Variants in CDC42BPA observed in about 807,000 individuals in gnomAD.
CDC42BPA encodes serine/threonine-protein kinase MRCK alpha.
In CDC42BPA, 80 loss-of-function variants were observed where a neutral mutation model predicts 223.5. The ratio of observed to expected loss-of-function variants is 0.36; its 90% CI spans 0.30 to 0.43. The LOEUF is 0.43. CDC42BPA is among the 20% of genes least tolerant of loss of function. The probability of loss-of-function intolerance (pLI) is 1.00; values close to 1 mark genes in which losing one functional copy is unlikely to be tolerated. For synonymous variants in CDC42BPA, 694 were observed against 718.6 expected, an observed-to-expected ratio of 0.97 and a Z score of 0.55; for missense variants, 1,743 against 2,099.9, an observed-to-expected ratio of 0.83 and a Z score of 3.32.
intron 16 of CDC42BPA, among the ~76,000 whole-genome samples, chr1:227,086,485 T>TA (rs1325162527): frequency 6.6e-6 from 1 of 152,162 alleles, no homozygotes; most frequent in Non-Finnish European, 1.5e-5. Context: ...CAATAGTTGA[T>TA]ACGGTCACGC....
chr1:227,120,028 G>C (rs1159408502), intron 11 of CDC42BPA, 91 bp from the exon 12 acceptor site: 1 of 985,280 alleles, frequency 1.0e-6, no homozygotes, highest in African/African-American at 1.7e-5. Flanking sequence ...TTTTAAAATT[G>C]GTATTTTCAA....
Position 227,004,975 on chromosome 1 carries a change from C to A in CDC42BPA, c.4975+19G>T. 1 of 1,566,202 alleles carries A rather than the reference C, an allele frequency of 6.4e-7. No homozygotes were observed. The highest frequency in any genetic ancestry group is 2.2e-5 in the East Asian group (1 of 44,650). ...GTCACCCTGTCTCAGAGGCACCTTC[C>A]TGTAGCCCCGGCACTTACTTGCTGA... On this transcript the variant is annotated intron_variant, in intron 35 of 36. Coordinates refer to ENST00000366766, the MANE Select transcript of CDC42BPA (RefSeq NM_001394014.1).
intron 14 of CDC42BPA, among the ~76,000 whole-genome samples, chr1:227,110,534 C>T (rs1686750381): frequency 6.6e-6 from 1 of 152,146 alleles, no homozygotes; most frequent in African/African-American, 2.4e-5. Context: ...TTACATTGTA[C>T]TCTATCACTT....
chr1:227,176,939 TC>T (rs1346164480), intron 5 of CDC42BPA, among the ~76,000 whole-genome samples: 1 of 151,910 alleles, frequency 6.6e-6, no homozygotes, highest in Non-Finnish European at 1.5e-5. Flanking sequence ...TAGTTTTCTC[TC>T]CCCTCTAATC....
chr1:227,057,973 T>C (rs1035625263), intron 21 of CDC42BPA, among the ~76,000 whole-genome samples: 2 of 152,202 alleles, frequency 1.3e-5, no homozygotes, highest in Non-Finnish European at 2.9e-5. Flanking sequence ...TAGTTAAAAA[T>C]TTAGTCAATT....
chr1:227,009,068 T>A (rs1664673314), intron 34 of CDC42BPA, among the ~76,000 whole-genome samples: 1 of 152,160 alleles, frequency 6.6e-6, no homozygotes, highest in South Asian at 2.1e-4. Context: ...TAAGATACAT[T>A]GATGTTGTCC....
At chr1:227,068,722 T>C in intron 21 of CDC42BPA, 1 of 1,052,544 alleles carries the variant, frequency 9.5e-7, no homozygotes, top group Non-Finnish European at 1.2e-6. Flanking sequence ...AATACAGCAA[T>C]AAAAAAATAG....
chr1:227,271,938 T>A (rs553952534), intron 1 of CDC42BPA, among the ~76,000 whole-genome samples: 1 of 152,224 alleles, frequency 6.6e-6, no homozygotes, highest in Non-Finnish European at 1.5e-5. Context: ...TCCTAGAAGA[T>A]AAATTACAAA....
intron 13 of CDC42BPA, 85 bp downstream of exon 13, chr1:227,112,586 A>T (rs910050987): frequency 1.8e-5 from 20 of 1,101,542 alleles, no homozygotes; most frequent in Admixed American, 5.8e-5. Context: ...GAAATATTTT[A>T]AAAATTATAT....
chr1:227,164,165 C>G (rs1257462570), intron 5 of CDC42BPA, among the ~76,000 whole-genome samples: 1 of 152,066 alleles, frequency 6.6e-6, no homozygotes, highest in Non-Finnish European at 1.5e-5. Flanking sequence ...TGAATGGCCA[C>G]CCTATCCATA....
intron 14 of CDC42BPA, among the ~76,000 whole-genome samples, chr1:227,104,262 G>A (rs1056687540): frequency 3.3e-5 from 5 of 152,164 alleles, no homozygotes; most frequent in South Asian, 2.1e-4. Context: ...CGCTAACTTC[G>A]TTTCTGGGTG....
chr1:227,263,786 T>A (rs1196021141), intron 1 of CDC42BPA, among the ~76,000 whole-genome samples: 3 of 152,068 alleles, frequency 2.0e-5, no homozygotes, highest in Non-Finnish European at 2.9e-5. Context: ...TTCACCATGT[T>A]GGCCAGGCTG....
At chr1:227,126,065 C>T (rs1197906376) in intron 11 of CDC42BPA, among the ~76,000 whole-genome samples, 1 of 151,990 alleles carries the variant, frequency 6.6e-6, no homozygotes, top group African/African-American at 2.4e-5. Flanking sequence ...TCTCTCCCAC[C>T]TAGCAGACTG....
intron 4 of CDC42BPA, among the ~76,000 whole-genome samples, chr1:227,199,120 T>A (rs1289532538): frequency 6.6e-6 from 1 of 152,160 alleles, no homozygotes; most frequent in African/African-American, 2.4e-5. Flanking sequence ...TAAAAATAAT[T>A]TAAAAATGTA....
chr1:227,073,994 G>A lies in CDC42BPA; in HGVS notation c.2605C>T (p.Arg869Cys). The part of the protein sequence containing the change: ...TRATDMPWKM[R>C]RFAKLDMSAR... ...GACATATCCAGTTTCGCAAAACGAC[G>A]CATTTTCCAGGGCATATCCTATGAA... Residue 869 changes from arginine to cysteine, a missense_variant, in exon 19 of 37, where the codon CGT becomes TGT. Physicochemically the swap from Arg to Cys is radical, Grantham distance 180 (BLOSUM62 -3). This residue lies in a region of CDC42BPA where 36 missense variants were observed against 71.9 expected (regional missense o/e 0.50). Coordinates refer to ENST00000366766, the MANE Select transcript of CDC42BPA (RefSeq NM_001394014.1). 1 of 1,611,254 alleles carries A rather than the reference G, an allele frequency of 6.2e-7. No individual in the cohort carries two copies. Among genetic ancestry groups the A allele is most frequent in the African/African-American group, 1.3e-5 (1 of 74,854 alleles).
In CDC42BPA at chr1:227,112,701, T is replaced by C. The variant is rs1412429315; in HGVS notation, c.1860A>G (p.Glu620=). The change falls in exon 13 of 37, where the codon GAA becomes GAG. Residue 620 remains glutamate, a synonymous_variant. Coordinates refer to ENST00000366766, the MANE Select transcript of CDC42BPA (RefSeq NM_001394014.1). ...TTTTGGCTCTTTCTGTTCTGCGCAG[T>C]TCTTGCCTTAAGCTTTCAACTTTTT... The part of the protein sequence containing the change: ...VMQKVESLRQ[E]LRRTERAKKE... 1.2e-6 allele frequency: 2 copies of C among 1,614,020 alleles called. No individual in the cohort carries two copies. The highest frequency in any genetic ancestry group is 1.3e-5 in the African/African-American group (1 of 74,930).
At chr1:227,038,562 C>G (rs1211063811) in intron 24 of CDC42BPA, among the ~76,000 whole-genome samples, 2 of 152,176 alleles carry the variant, frequency 1.3e-5, no homozygotes, top group East Asian at 1.9e-4. Flanking sequence ...GCACAAACAA[C>G]AGCCAATACC....
intron 12 of CDC42BPA, among the ~76,000 whole-genome samples, chr1:227,115,956 A>G (rs757409309): frequency 2.6e-5 from 4 of 152,088 alleles, no homozygotes; most frequent in Admixed American, 1.3e-4. Context: ...AGTGATATAT[A>G]AAGTAGATAT....
chr1:227,247,552 A>G (rs2148193689), intron 2 of CDC42BPA, among the ~76,000 whole-genome samples: 1 of 151,918 alleles, frequency 6.6e-6, no homozygotes, highest in Admixed American at 6.6e-5. Context: ...ACAGAGAAGG[A>G]ATTTGGGATT....
Sources: gnomAD v4.1 joint callset for allele counts (sites outside exome capture counted in the v4.1 genomes callset) on GRCh38, gnomAD v4.1.1 for gene constraint, gnomAD v4.1.1 regional missense constraint, MANE v1.5 for transcripts, NCBI Gene and HGNC (gene_info 2026-07-23, HGNC 2026-07-21) for gene names.